Variants in FGGY observed in about 807,000 individuals in gnomAD.
The protein encoded by FGGY is FGGY carbohydrate kinase domain-containing protein.
FGGY carries 72 observed loss-of-function variants against 71.3 expected under a neutral mutation model. The ratio of observed to expected loss-of-function variants is 1.01; its 90% CI spans 0.84 to 1.23. The LOEUF (loss-of-function observed/expected upper bound fraction) is 1.23. Among genes scored for constraint, FGGY ranks in the 50% most tolerant of loss-of-function variants. The pLI is 0.00. For missense variants in FGGY, 668 were observed against 682.3 expected, an observed-to-expected ratio of 0.98 and a Z score of 0.23; for synonymous variants, 251 against 250.3, an observed-to-expected ratio of 1.00 and a Z score of -0.02.
At chr1:59,557,838 T>C (rs2095714945) in intron 8 of FGGY, among the ~76,000 whole-genome samples, 1 of 152,034 alleles carries the variant, frequency 6.6e-6, no homozygotes, top group Non-Finnish European at 1.5e-5. Context: ...GCATGTCAGA[T>C]GGGGACAGGA....
chr1:59,585,766 A>G (rs1481747227), intron 8 of FGGY, among the ~76,000 whole-genome samples: 1 of 152,184 alleles, frequency 6.6e-6, no homozygotes, highest in East Asian at 1.9e-4. Flanking sequence ...TTCACAACCT[A>G]CTCATCTGAC....
chr1:59,553,416 T>C (rs1042223199), intron 7 of FGGY, among the ~76,000 whole-genome samples: 1 of 152,236 alleles, frequency 6.6e-6, no homozygotes. Context: ...TAACTTTAGT[T>C]GCCCTGCAAG....
intron 5 of FGGY, among the ~76,000 whole-genome samples, chr1:59,442,518 C>CT (rs1339397546): frequency 1.3e-5 from 2 of 152,092 alleles, no homozygotes; most frequent in Non-Finnish European, 2.9e-5. Flanking sequence ...TTGAAAGGTA[C>CT]GAAATCTTCA....
Position 59,360,349 on chromosome 1 carries a change from C to G in FGGY, c.465+13951C>G, listed in dbSNP as rs545829358. 7.9e-5 allele frequency among the ~76,000 whole-genome samples: 12 copies of G among 152,208 alleles called. No homozygotes were observed. The East Asian group carries it at 1.9e-3, about 25-fold the overall frequency. ...GTTGTCTTGGCATGAGGCTGTGTGG[C>G]TTGGCTTTGGCTGGGAGTCACAGAC... On this transcript the variant is annotated intron_variant, in intron 4 of 15. Transcript: ENST00000303721.
chr1:59,583,504 C>T (rs569709853), intron 8 of FGGY, among the ~76,000 whole-genome samples: 1 of 143,238 alleles, frequency 7.0e-6, no homozygotes, highest in East Asian at 2.1e-4. Flanking sequence ...ATGGAGGTAT[C>T]TTGAGGATTG....
At chr1:59,403,324 T>C (rs927269734) in intron 5 of FGGY, among the ~76,000 whole-genome samples, 4 of 152,196 alleles carry the variant, frequency 2.6e-5, no homozygotes, top group African/African-American at 9.7e-5. Context: ...TGTACAAATG[T>C]AGAGAACCCA....
At chr1:59,521,000 A>C (rs2094812483) in intron 7 of FGGY, among the ~76,000 whole-genome samples, 1 of 131,830 alleles carries the variant, frequency 7.6e-6, no homozygotes, top group Non-Finnish European at 1.6e-5. Context: ...GAGAATATGG[A>C]TCCAAAGAGG....
chr1:59,725,839 C>A (rs1307406186), intron 14 of FGGY, among the ~76,000 whole-genome samples: 1 of 152,114 alleles, frequency 6.6e-6, no homozygotes, highest in African/African-American at 2.4e-5. Context: ...TGATTTTCCA[C>A]ATAGACATTC....
chr1:59,616,690 CTGAG>C (rs1013660389), intron 9 of FGGY, among the ~76,000 whole-genome samples: 19 of 151,802 alleles, frequency 1.3e-4, no homozygotes, highest in Non-Finnish European at 2.1e-4. Flanking sequence ...TTGTAGCTTA[CTGAG>C]TATTTTTTTG....
chr1:59,443,106 G>A (rs1215215446), intron 5 of FGGY, among the ~76,000 whole-genome samples: 1 of 152,146 alleles, frequency 6.6e-6, no homozygotes, highest in Non-Finnish European at 1.5e-5. Flanking sequence ...ACAACTTGCT[G>A]GGTACTGGGC....
At chr1:59,421,160 G>T (rs1484649022) in intron 5 of FGGY, among the ~76,000 whole-genome samples, 1 of 152,152 alleles carries the variant, frequency 6.6e-6, no homozygotes, top group Non-Finnish European at 1.5e-5. Context: ...GTGTTAGAGA[G>T]GATACCTGTA....
chr1:59,412,882 G>T (rs897291912), intron 5 of FGGY, among the ~76,000 whole-genome samples: 2 of 152,184 alleles, frequency 1.3e-5, no homozygotes, highest in African/African-American at 2.4e-5. Flanking sequence ...CTGAGGAAAT[G>T]ACATTTGAAC....
chr1:59,594,977 G>A (rs1334882149), intron 8 of FGGY, among the ~76,000 whole-genome samples: 9 of 152,152 alleles, frequency 5.9e-5, no homozygotes, highest in Non-Finnish European at 8.8e-5. Flanking sequence ...AAACACACAA[G>A]AACAGCTAAA....
At chr1:59,318,324 A>G (rs1445073625) in intron 1 of FGGY, among the ~76,000 whole-genome samples, 1 of 152,230 alleles carries the variant, frequency 6.6e-6, no homozygotes, top group East Asian at 1.9e-4. Context: ...AAAGACATCC[A>G]TTCACTGAGT....
intron 14 of FGGY, chr1:59,699,493 T>A: frequency 5.3e-6 from 4 of 760,266 alleles, no homozygotes; most frequent in Non-Finnish European, 6.4e-6. Flanking sequence ...CCTCTGCTCT[T>A]TTGCCATGGA....
chr1:59,513,134 T>C (rs1364945833), intron 7 of FGGY, among the ~76,000 whole-genome samples: 1 of 152,216 alleles, frequency 6.6e-6, no homozygotes, highest in East Asian at 1.9e-4. Context: ...GTTCTCAGCA[T>C]CTCTCATCTC....
chr1:59,750,179 T>C (rs1407246176), intron 14 of FGGY, among the ~76,000 whole-genome samples: 1 of 152,164 alleles, frequency 6.6e-6, no homozygotes, highest in African/African-American at 2.4e-5. Context: ...ACCCAGTATC[T>C]TTCTGCTAAT....
intron 2 of FGGY, among the ~76,000 whole-genome samples, chr1:59,329,480 G>A (rs758693275): frequency 5.3e-5 from 8 of 152,210 alleles, no homozygotes; most frequent in Non-Finnish European, 1.0e-4. Flanking sequence ...AGTGAAGCAC[G>A]ATAAAATGAG....
At chr1:59,456,870 C>A in intron 5 of FGGY, 91 bp from the exon 6 acceptor site, 1 of 763,996 alleles carries the variant, frequency 1.3e-6, no homozygotes. Context: ...TCTTTAATAC[C>A]TCTGCAGATA....
Sources: gnomAD v4.1 joint callset for allele counts (sites outside exome capture counted in the v4.1 genomes callset) on GRCh38, gnomAD v4.1.1 for gene constraint, MANE v1.5 for transcripts, NCBI Gene and HGNC (gene_info 2026-07-23, HGNC 2026-07-21) for gene names.